The following VWA3A variants were observed in gnomAD, a reference collection of about 807,000 sequenced individuals.
The protein encoded by VWA3A is von Willebrand factor A domain-containing protein 3A.
VWA3A carries 134 observed loss-of-function variants against 160.4 expected under a neutral mutation model. The observed-to-expected ratio is 0.84, with a 90% CI of 0.73 to 0.96. The LOEUF is 0.96. VWA3A is among the 40% of genes least tolerant of loss of function. The pLI is 0.00. For synonymous variants in VWA3A, 476 were observed against 543.4 expected (o/e 0.88, Z 1.72); for missense variants, 1,310 against 1,447.9 (o/e 0.90, Z 1.55).
intron 17 of VWA3A, among the ~76,000 whole-genome samples, chr16:22,126,686 T>C (rs963306656): frequency 6.6e-6 from 1 of 152,054 alleles, no homozygotes; most frequent in Admixed American, 6.6e-5. Flanking sequence ...CATTTAGGAT[T>C]CCAATTCTGA....
intron 8 of VWA3A, among the ~76,000 whole-genome samples, chr16:22,111,775 A>G (rs1470485512): frequency 6.6e-6 from 1 of 151,892 alleles, no homozygotes; most frequent in African/African-American, 2.4e-5. Context: ...GAGCCACCAC[A>G]CCCAGTCAGT....
intron 5 of VWA3A, among the ~76,000 whole-genome samples, 171 bp from the exon 6 acceptor site, chr16:22,103,304 G>A (rs1038169181): frequency 3.9e-5 from 6 of 152,032 alleles, no homozygotes; most frequent in East Asian, 1.9e-4. Flanking sequence ...GAGTAGCCAC[G>A]ACTACAGGCG....
At chr16:22,101,624 T>C (rs2045409053) in intron 5 of VWA3A, among the ~76,000 whole-genome samples, 1 of 151,922 alleles carries the variant, frequency 6.6e-6, no homozygotes, top group Non-Finnish European at 1.5e-5. Context: ...GAGAAAGGGG[T>C]TTCCCCTTAT....
At position 22,126,905 on chromosome 16, in the gene VWA3A, T is replaced by C. The variant is rs1253142537; in HGVS notation, c.1652+608T>C. 2.0e-5 allele frequency among the ~76,000 whole-genome samples: 3 copies of C among 149,846 alleles called. No individual in the cohort carries two copies. The East Asian group carries it at 6.0e-4, about 30-fold the overall frequency. ...ATTATGTGTATATATATATAAATGG[T>C]ATGCAATTTTTAAAACTGTATAATT... On this transcript the variant is annotated intron_variant, in intron 17 of 33. Transcript: ENST00000389398.
intron 31 of VWA3A, among the ~76,000 whole-genome samples, chr16:22,153,313 A>C (rs1351342871): frequency 6.6e-6 from 1 of 152,240 alleles, no homozygotes; most frequent in East Asian, 1.9e-4. Flanking sequence ...ACTGCACTTC[A>C]GCCTGAGTGT....
chr16:22,148,696 A>G (rs1436055542), intron 28 of VWA3A, among the ~76,000 whole-genome samples: 1 of 152,128 alleles, frequency 6.6e-6, no homozygotes, highest in Non-Finnish European at 1.5e-5. Flanking sequence ...ACTTGAGCCC[A>G]GGAGGTTGAG....
At chr16:22,129,255 G>A (rs1394331965) in intron 17 of VWA3A, among the ~76,000 whole-genome samples, 2 of 151,866 alleles carry the variant, frequency 1.3e-5, no homozygotes, top group African/African-American at 4.8e-5. Context: ...CAGGCGTGGT[G>A]GTGGGCACCT....
chr16:22,098,981 A>G (rs1027567241), intron 3 of VWA3A, among the ~76,000 whole-genome samples: 2 of 149,676 alleles, frequency 1.3e-5, no homozygotes, highest in Non-Finnish European at 3.0e-5. Flanking sequence ...CTATAGTCCC[A>G]GCTAATTGGG....
chr16:22,133,033 C>T lies in VWA3A; in HGVS notation c.2006C>T (p.Ala669Val). The T allele has an allele frequency of 6.2e-7, 1 of 1,613,906 alleles. No homozygotes were observed. Among genetic ancestry groups the T allele is most frequent in the Non-Finnish European group, 8.5e-7 (1 of 1,179,832 alleles). ...CGCTATGCCAGTCACACTGACACAG[C>T]CGCCGCCTACAAGGAGGTCACCCGG... Reference protein sequence around the residue: ...PARYASHTDTAAAYKEVTRAA... With the variant: ...PARYASHTDTVAAYKEVTRAA... Residue 669 changes from alanine (A) to valine (V), a missense_variant, in exon 20 of 34, where the codon GCC becomes GTC. Coordinates refer to ENST00000389398, the MANE Select transcript of VWA3A (RefSeq NM_173615.5).
chr16:22,155,909 G>A lies in VWA3A; in HGVS notation c.*7G>A. 1 of 1,613,978 alleles carries A rather than the reference G, an allele frequency of 6.2e-7. No individual in the cohort carries two copies. The highest frequency in any genetic ancestry group is 8.5e-7 in the Non-Finnish European group (1 of 1,179,890). ...AAAGGTCACTCTTTCCTAGAGAAGT[G>A]TTCTCAGGTAAGGGGAGGGGCTAGA... On this transcript the variant is annotated 3_prime_UTR_variant, in exon 33 of 34. Transcript: ENST00000389398.
rs145956081 is a variant in VWA3A, at chr16:22,156,102, G to A, written c.*85G>A. On this transcript the variant is annotated 3_prime_UTR_variant, in exon 34 of 34. Transcript: ENST00000389398. ...CGAGGGCAGGATGGGATGAAATGCT[G>A]TGACCTGCAGGAAACATGATTCCTG... 62 of 627,252 alleles carry A rather than the reference G, an allele frequency of 9.9e-5. 1 individual carries two copies. Among genetic ancestry groups the A allele is most frequent in the African/African-American group, 7.6e-4 (41 of 54,268 alleles). The allele number at this position is 627,252 out of a possible 1,614,324, so 38.9% of individuals were successfully genotyped here.
At position 22,146,261 on chromosome 16, in the gene VWA3A, C is replaced by A. The variant is rs61744122; in HGVS notation, c.2756C>A (p.Thr919Lys). Residue 919 changes from threonine (T) to lysine (K), a missense_variant, in exon 27 of 34, where the codon ACG (threonine) becomes AAG (lysine). Thr to Lys is a moderately conservative substitution (Grantham distance 78). Coordinates refer to ENST00000389398, the MANE Select transcript of VWA3A (RefSeq NM_173615.5). ...IHGVVRHIQW[T>K]PREMEVYIRH... ...GGAGTGGTGAGACACATCCAGTGGA[C>A]GCCCAGGGAGATGGAGGTGTACATC... The A allele has an allele frequency of 0.038, 61,226 of 1,613,258 alleles. 1,574 individuals carry two copies. Among genetic ancestry groups the A allele is most frequent in the South Asian group, 0.088 (7,962 of 90,972 alleles).
chr16:22,148,146 A>G lies in VWA3A; in HGVS notation c.2840-16A>G, dbSNP rs778758494. 6.3e-6 allele frequency: 10 copies of G among 1,585,468 alleles called. No homozygotes were observed. The highest frequency in any genetic ancestry group is 5.8e-5 in the South Asian group (5 of 86,608). ...CTCACTCCCTCCCTGCCTCTTCCCC[A>G]CCTGTCTCGGAGCAGGGAGCCGCCG... On this transcript the variant is annotated splice_polypyrimidine_tract_variant and intron_variant, in intron 27 of 33. Transcript: ENST00000389398.
At chr16:22,122,722 A>G (rs1263997341) in intron 14 of VWA3A, among the ~76,000 whole-genome samples, 1 of 152,180 alleles carries the variant, frequency 6.6e-6, no homozygotes, top group African/African-American at 2.4e-5. Context: ...TGGCCAGTAT[A>G]TTTTAAGGTC....
Position 22,154,847 on chromosome 16 carries a change from G to A in VWA3A, c.3406-720G>A, listed in dbSNP as rs867950689. Among the ~76,000 whole-genome samples the A allele has an allele frequency of 1.4e-3, 213 of 150,440 alleles. 1 individual carries two copies. Among genetic ancestry groups the A allele is most frequent in the Non-Finnish European group, 1.5e-3 (102 of 67,600 alleles). ...CGGGCGCCTGTAGTCCCAGCTGCTC[G>A]GGAGGCTGAGGCAGGAGAATGGCGT... On this transcript the variant is annotated intron_variant, in intron 31 of 33. Transcript: ENST00000389398.
intron 21 of VWA3A, 59 bp downstream of exon 21, chr16:22,134,497 A>G: frequency 7.0e-7 from 1 of 1,424,540 alleles, no homozygotes; most frequent in East Asian, 2.5e-5. Flanking sequence ...TCCTGGGGCT[A>G]CCATAACTGC....
chr16:22,139,519 C>A (rs530779840), intron 22 of VWA3A, among the ~76,000 whole-genome samples: 1 of 152,070 alleles, frequency 6.6e-6, no homozygotes, highest in African/African-American at 2.4e-5. Flanking sequence ...CATGGTGAAA[C>A]CCCCTCTCTA....
chr16:22,100,441 A>G lies in VWA3A; in HGVS notation c.376A>G (p.Lys126Glu), dbSNP rs780257967. 5.3e-5 allele frequency: 83 copies of G among 1,551,522 alleles called. No homozygotes were observed. Among genetic ancestry groups the G allele is most frequent in the Non-Finnish European group, 6.5e-5 (74 of 1,147,006 alleles). The change falls in exon 5 of 34, where the codon AAA becomes GAA. Residue 126 changes from lysine to glutamate, a missense_variant. Transcript: ENST00000389398. ...GGAGGAGGGCACCAATGTCGTGCAG[A>G]AAATATGTTTCTCCACCCAGATCAT... Reference protein sequence around the residue: ...VLEEGTNVVQKICFSTQIIRH... With the variant: ...VLEEGTNVVQEICFSTQIIRH...
At chr16:22,152,314 C>T (rs1340440828) in intron 30 of VWA3A, among the ~76,000 whole-genome samples, 197 bp from the exon 31 acceptor site, 1 of 152,180 alleles carries the variant, frequency 6.6e-6, no homozygotes, top group Admixed American at 6.5e-5. Flanking sequence ...CCTCAAGCAG[C>T]AGCAGTTGCT....
Sources: allele counts gnomAD v4.1 joint callset (sites outside exome capture counted in the v4.1 genomes callset), GRCh38; gene constraint gnomAD v4.1.1; transcripts MANE v1.5; gene names NCBI Gene and HGNC (gene_info 2026-07-23, HGNC 2026-07-21).